Variants in ALPL observed in about 807,000 individuals in gnomAD.
ALPL encodes the protein alkaline phosphatase, biomineralization associated.
Under a neutral mutation model 51.3 loss-of-function variants are expected in ALPL, and 42 were observed. That is an observed-to-expected ratio of 0.82 (90% confidence interval 0.64 to 1.06). The LOEUF is 1.06. ALPL is among the 50% of genes least tolerant of loss of function. The pLI, the probability that ALPL is intolerant of heterozygous loss-of-function variation, is 0.00. For missense variants in ALPL, 589 were observed against 709.4 expected, an observed-to-expected ratio of 0.83 and a Z score of 1.93; for synonymous variants, 279 against 296.4, an observed-to-expected ratio of 0.94 and a Z score of 0.60.
At chr1:21,509,026 C>T (rs999216919), upstream of ALPL, among the ~76,000 whole-genome samples, 14 of 151,810 alleles carry the variant, frequency 9.2e-5, no homozygotes, top group African/African-American at 3.1e-4. This position sits in a 1 kb window ranked among gnomAD's most constrained non-coding sequence, Gnocchi z 6.0. Context: ...GACAAAGAGA[C>T]GGGTGGAGAC....
chr1:21,522,258 T>G (rs1385093832), intron 1 of ALPL, among the ~76,000 whole-genome samples: 1 of 152,074 alleles, frequency 6.6e-6, no homozygotes, highest in Non-Finnish European at 1.5e-5. Flanking sequence ...TATTTTTTAG[T>G]AGAGACAGGG....
chr1:21,523,608 A>G (rs753259573), intron 1 of ALPL, among the ~76,000 whole-genome samples: 1 of 152,180 alleles, frequency 6.6e-6, no homozygotes, highest in Non-Finnish European at 1.5e-5. Flanking sequence ...CCAGACCGGT[A>G]TTCAGGAAAG....
rs191774493 is a variant in ALPL, at chr1:21,533,658, C to G, written c.-104-20320C>G. Among the ~76,000 whole-genome samples, 384 of 152,234 alleles carry G rather than the reference C, an allele frequency of 2.5e-3. 3 individuals are homozygous for G. The highest frequency in any genetic ancestry group is 4.0e-3 in the Non-Finnish European group (273 of 68,020). ...GACTGGGTCTGGGCACGGTGGCTCA[C>G]GCCTGTAATCCCAGCACTTTGGGAG... On this transcript the variant is annotated intron_variant, in intron 1 of 11. Coordinates refer to ENST00000374840, the MANE Select transcript of ALPL (RefSeq NM_000478.6).
chr1:21,555,703 C>T (rs1469082945), intron 2 of ALPL, among the ~76,000 whole-genome samples: 2 of 151,996 alleles, frequency 1.3e-5, no homozygotes, highest in Non-Finnish European at 2.9e-5. Flanking sequence ...CAGGTGTGAG[C>T]CACTGTGCCC....
intron 1 of ALPL, among the ~76,000 whole-genome samples, chr1:21,512,452 C>T (rs1418915934): frequency 6.6e-6 from 1 of 152,138 alleles, no homozygotes; most frequent in Non-Finnish European, 1.5e-5. Flanking sequence ...TTCATATTTC[C>T]TGTGGAGCAA....
intron 1 of ALPL, among the ~76,000 whole-genome samples, chr1:21,536,408 C>A (rs890095374): frequency 1.3e-5 from 2 of 152,178 alleles, no homozygotes; most frequent in Non-Finnish European, 2.9e-5. Context: ...TGAGGTCAGA[C>A]TCTGTGTTCC....
intron 1 of ALPL, among the ~76,000 whole-genome samples, chr1:21,529,230 T>C (rs1643996805): frequency 6.6e-6 from 1 of 152,048 alleles, no homozygotes; most frequent in African/African-American, 2.4e-5. Context: ...GGGTTAATGT[T>C]CTTTTAACTT....
At chr1:21,576,031 A>G in intron 10 of ALPL, 107 bp downstream of exon 10, 1 of 1,337,522 alleles carries the variant, frequency 7.5e-7, no homozygotes. Flanking sequence ...GTGGGGACTC[A>G]ATGACAACTG....
In ALPL at chr1:21,516,286, C is replaced by T. The variant is rs374013679; in HGVS notation, c.-105+6769C>T. Among the ~76,000 whole-genome samples, 14 of 152,278 alleles carry T rather than the reference C, an allele frequency of 9.2e-5. No individual in the cohort carries two copies. The East Asian group carries it at 2.1e-3, about 23-fold the overall frequency. On this transcript the variant is annotated intron_variant, in intron 1 of 11. Coordinates refer to ENST00000374840, the MANE Select transcript of ALPL (RefSeq NM_000478.6). The stretch of plus-strand genomic sequence containing the variant: ...AGGAGTTACTAACTGACCCGTCTGC[C>T]GCCATTCTGGTGAGAAAATGTCTCA...
intron 1 of ALPL, among the ~76,000 whole-genome samples, chr1:21,524,123 C>A (rs1482494649): frequency 6.6e-6 from 1 of 151,098 alleles, no homozygotes; most frequent in African/African-American, 2.4e-5. Context: ...CCTGCCTCAG[C>A]CTACTGAGTA....
At chr1:21,559,904 G>T (rs1320094573) in intron 2 of ALPL, among the ~76,000 whole-genome samples, 1 of 152,222 alleles carries the variant, frequency 6.6e-6, no homozygotes, top group Non-Finnish European at 1.5e-5. Context: ...GAGGGAGAGA[G>T]AAAGAAGTGT....
intron 1 of ALPL, among the ~76,000 whole-genome samples, chr1:21,521,699 C>G (rs1014582719): frequency 5.3e-5 from 8 of 152,234 alleles, no homozygotes; most frequent in Non-Finnish European, 1.2e-4. Flanking sequence ...GCCAGTGTCT[C>G]TGGGTCCAGT....
intron 1 of ALPL, among the ~76,000 whole-genome samples, chr1:21,539,141 TGCTTA>T (rs1326615651): frequency 1.3e-5 from 2 of 152,204 alleles, no homozygotes; most frequent in Non-Finnish European, 2.9e-5. Context: ...GAGGAGTTTA[TGCTTA>T]GTCCTGGGAG....
Position 21,570,470 on chromosome 1 carries a change from G to A in ALPL, c.862+96G>A, listed in dbSNP as rs534859971. 2.9e-4 allele frequency: 380 copies of A among 1,293,712 alleles called. 1 individual carries two copies. The highest frequency in any genetic ancestry group is 1.9e-3 in the African/African-American group (131 of 68,708). The allele number at this position is 1,293,712 out of a possible 1,614,324, so 80.1% of individuals were successfully genotyped here. A position where few individuals can be genotyped will look rare whatever the true frequency, so the allele number is the denominator to read the frequency against. On this transcript the variant is annotated intron_variant, in intron 8 of 11. Transcript: ENST00000374840. ...CCTGGGGACAAGGCCCTAGCCTGAC[G>A]CCCACTTAGGGGCCTCTGCTCTTGG...
At position 21,525,790 on chromosome 1, in the gene ALPL, C is replaced by T. The variant is rs888521420; in HGVS notation, c.-105+16273C>T. Among the ~76,000 whole-genome samples the T allele has an allele frequency of 3.2e-4, 48 of 152,202 alleles. 1 individual carries two copies. Among genetic ancestry groups the T allele is most frequent in the Non-Finnish European group, 8.8e-5 (6 of 68,044 alleles). ...ATCACCTGAGGTCAGGAGTTCGAGA[C>T]CAGCCTGACCAACATGGTGAAACCT... On this transcript the variant is annotated intron_variant, in intron 1 of 11. Transcript: ENST00000374840.
intron 8 of ALPL, among the ~76,000 whole-genome samples, 179 bp from the exon 9 acceptor site, chr1:21,573,485 AT>A (rs1266305867): frequency 2.6e-5 from 4 of 151,770 alleles, no homozygotes; most frequent in Admixed American, 2.6e-4. Context: ...AAAAAAAGGA[AT>A]TGGGGGCCTA....
chr1:21,515,957 C>T (rs997700119), intron 1 of ALPL, among the ~76,000 whole-genome samples: 1 of 152,162 alleles, frequency 6.6e-6, no homozygotes, highest in Non-Finnish European at 1.5e-5. Flanking sequence ...CACTACAGTG[C>T]AGCCTTGACT....
intron 10 of ALPL, 122 bp from the exon 11 acceptor site, chr1:21,576,400 A>G: frequency 1.5e-6 from 2 of 1,362,510 alleles, no homozygotes; most frequent in South Asian, 2.7e-5. Flanking sequence ...TCTTGGAGGC[A>G]TTGCAGGGCC....
chr1:21,534,965 C>T (rs1462092430), intron 1 of ALPL, among the ~76,000 whole-genome samples: 1 of 152,204 alleles, frequency 6.6e-6, no homozygotes, highest in African/African-American at 2.4e-5. Context: ...CCCCGCTGTA[C>T]TTACCGCCAC....
Sources: allele counts gnomAD v4.1 joint callset (sites outside exome capture counted in the v4.1 genomes callset), GRCh38; gene constraint gnomAD v4.1.1; non-coding constraint Gnocchi (gnomAD v3.1); transcripts MANE v1.5; gene names NCBI Gene and HGNC (gene_info 2026-07-23, HGNC 2026-07-21).